MYO10: variants seen among roughly 807,000 people sequenced by gnomAD.
MYO10 encodes the protein unconventional myosin-X.
Under a neutral mutation model 257.3 loss-of-function variants are expected in MYO10, and 133 were observed. That is an observed-to-expected ratio of 0.52 (90% CI 0.45 to 0.60). The LOEUF is 0.60. Ranked by LOEUF, MYO10 falls within the 20% of genes least tolerant of loss-of-function variation. The probability of loss-of-function intolerance (pLI) is 0.00; values close to 1 mark genes in which losing one functional copy is unlikely to be tolerated. For missense variants in MYO10, 2,399 were observed against 2,635.7 expected (o/e 0.91, Z 1.97); for synonymous variants, 1,104 against 1,028.6 (o/e 1.07, Z -1.40).
At chr5:16,891,684 A>G (rs146121558) in intron 1 of MYO10, among the ~76,000 whole-genome samples, 1 of 152,308 alleles carries the variant, frequency 6.6e-6, no homozygotes, top group East Asian at 1.9e-4. Context: ...ATGCAGACAA[A>G]TAGGTAGACT....
intron 19 of MYO10, among the ~76,000 whole-genome samples, chr5:16,729,268 T>C (rs1739488340): frequency 6.6e-6 from 1 of 152,200 alleles, no homozygotes; most frequent in Non-Finnish European, 1.5e-5. Context: ...TCAGACTCAA[T>C]GGATAAGAAA....
chr5:16,831,998 A>G (rs1460941642), intron 2 of MYO10, among the ~76,000 whole-genome samples: 1 of 152,140 alleles, frequency 6.6e-6, no homozygotes, highest in Non-Finnish European at 1.5e-5. Context: ...CCTGGAGTGC[A>G]GTGGAGCAAT....
At position 16,704,688 on chromosome 5, in the gene MYO10, G is replaced by A; in HGVS notation, c.2170-3C>T. ...TCCAAGGATTCTCGAAGAAAGACCTGCTCAGGACGGAGTCACATGTCAGAA... is the reference window on the plus strand; with the variant it reads ...TCCAAGGATTCTCGAAGAAAGACCTACTCAGGACGGAGTCACATGTCAGAA... On this transcript the variant is annotated splice_polypyrimidine_tract_variant and splice_region_variant and intron_variant, in intron 21 of 40. Transcript: ENST00000513610. 1 of 1,612,186 alleles carries A rather than the reference G, an allele frequency of 6.2e-7. No homozygotes were observed. Among genetic ancestry groups the A allele is most frequent in the Non-Finnish European group, 8.5e-7 (1 of 1,178,444 alleles).
intron 27 of MYO10, 87 bp from the exon 28 acceptor site, chr5:16,690,006 GAGTT>G: frequency 2.0e-6 from 2 of 979,250 alleles, no homozygotes. Context: ...CCAATGACTA[GAGTT>G]GGGAACTGTC....
At chr5:16,758,591 G>C (rs1055288124) in intron 17 of MYO10, among the ~76,000 whole-genome samples, 15 of 152,166 alleles carry the variant, frequency 9.9e-5, no homozygotes, top group African/African-American at 2.9e-4. Flanking sequence ...GTGTTGCAAA[G>C]ATTGAAGCAG....
intron 17 of MYO10, among the ~76,000 whole-genome samples, chr5:16,760,896 C>T (rs984934978): frequency 1.3e-5 from 2 of 152,134 alleles, no homozygotes; most frequent in Non-Finnish European, 2.9e-5. Context: ...GGATTAATAA[C>T]AGTATGTTAC....
intron 25 of MYO10, among the ~76,000 whole-genome samples, chr5:16,699,916 T>C (rs563163367): frequency 1.1e-4 from 16 of 152,206 alleles, no homozygotes; most frequent in Admixed American, 5.2e-4. Flanking sequence ...AAATGGTCAG[T>C]TGAATTGATA....
chr5:16,831,064 A>C (rs377144257), intron 2 of MYO10, among the ~76,000 whole-genome samples: 7 of 152,160 alleles, frequency 4.6e-5, no homozygotes, highest in Admixed American at 3.3e-4. Flanking sequence ...AAGCTGAGTA[A>C]AGGAGACATG....
At position 16,912,509 on chromosome 5, in the gene MYO10, C is replaced by T. The variant is rs115850074; in HGVS notation, c.21+23279G>A. Reference sequence around the variant, plus strand: ...GTCTCAATACTGGTTTTGAAAAATGCATTATTTGGTACATAATGCCTCCAT... The same window carrying T: ...GTCTCAATACTGGTTTTGAAAAATGTATTATTTGGTACATAATGCCTCCAT... On this transcript the variant is annotated intron_variant, in intron 1 of 40. Transcript: ENST00000513610. 2.0e-3 allele frequency among the ~76,000 whole-genome samples: 300 copies of T among 152,162 alleles called. 4 individuals are homozygous for T. Among genetic ancestry groups the T allele is most frequent in the African/African-American group, 6.9e-3 (288 of 41,494 alleles).
intron 9 of MYO10, among the ~76,000 whole-genome samples, chr5:16,778,842 C>T (rs1277453948): frequency 2.0e-5 from 3 of 152,216 alleles, no homozygotes; most frequent in Non-Finnish European, 4.4e-5. Context: ...AGGCGCCCGC[C>T]ACCACGCCCG....
chr5:16,898,403 ATTTC>A (rs961068345), intron 1 of MYO10, among the ~76,000 whole-genome samples: 2 of 142,378 alleles, frequency 1.4e-5, no homozygotes, highest in South Asian at 2.2e-4. Flanking sequence ...CCATTCTCAA[ATTTC>A]TTTCTCTTTT....
intron 9 of MYO10, among the ~76,000 whole-genome samples, 191 bp downstream of exon 9, chr5:16,779,354 C>G (rs1412784757): frequency 1.3e-5 from 2 of 152,024 alleles, no homozygotes; most frequent in African/African-American, 4.8e-5. Flanking sequence ...GTCCTCAAAC[C>G]CCTTTCAGCC....
At chr5:16,873,586 C>A (rs1284236920) in intron 2 of MYO10, among the ~76,000 whole-genome samples, 3 of 152,232 alleles carry the variant, frequency 2.0e-5, no homozygotes, top group Non-Finnish European at 4.4e-5. Flanking sequence ...ACTGCCCTAG[C>A]AAAGGTTCTC....
chr5:16,886,056 C>T (rs1159915256), intron 1 of MYO10, among the ~76,000 whole-genome samples: 2 of 152,154 alleles, frequency 1.3e-5, no homozygotes, highest in African/African-American at 2.4e-5. Flanking sequence ...GTTTTAAACC[C>T]GAAGCTGGCA....
intron 39 of MYO10, 116 bp from the exon 40 acceptor site, chr5:16,668,584 C>A: frequency 1.3e-6 from 1 of 765,554 alleles, no homozygotes; most frequent in Non-Finnish European, 1.9e-6. Flanking sequence ...TAAATATATT[C>A]GATGTGCATG....
chr5:16,818,348 CTGTGTGTGTATGTA>C (rs1419976947), intron 2 of MYO10, among the ~76,000 whole-genome samples, 181 bp from the exon 3 acceptor site: 1 of 145,584 alleles, frequency 6.9e-6, no homozygotes, highest in African/African-American at 2.6e-5. Flanking sequence ...CTCTCTCTCT[CTGTGTGTGTATGTA>C]TGTGTGTGTG....
rs1736050962 is a variant in MYO10, at chr5:16,663,497, C to T, written c.*3195G>A. On this transcript the variant is annotated 3_prime_UTR_variant, in exon 41 of 41. Transcript: ENST00000513610. Reference sequence around the variant, plus strand: ...AACAGACATTCAAAACTACAGTCAGCCCTCAGTGTTCATGTGGTCTGAATC... The same window carrying T: ...AACAGACATTCAAAACTACAGTCAGTCCTCAGTGTTCATGTGGTCTGAATC... 6.6e-6 allele frequency: 1 copy of T among 151,806 alleles called. No homozygotes were observed. Among genetic ancestry groups the T allele is most frequent in the African/African-American group, 2.4e-5 (1 of 41,310 alleles). 9.4% of individuals were successfully genotyped at this position (151,806 alleles called of 1,614,324 possible).
intron 2 of MYO10, among the ~76,000 whole-genome samples, chr5:16,830,455 C>T (rs1450736145): frequency 6.6e-6 from 1 of 151,786 alleles, no homozygotes; most frequent in Non-Finnish European, 1.5e-5. Flanking sequence ...AATTAGAACG[C>T]TTTCTTGTTG....
chr5:16,845,628 G>A (rs1351342971), intron 2 of MYO10, among the ~76,000 whole-genome samples: 1 of 152,142 alleles, frequency 6.6e-6, no homozygotes, highest in African/African-American at 2.4e-5. Context: ...CAGACTGGAT[G>A]ACATGGTGAG....
Sources: gnomAD v4.1 joint callset for allele counts (sites outside exome capture counted in the v4.1 genomes callset) on GRCh38, gnomAD v4.1.1 for gene constraint, MANE v1.5 for transcripts, NCBI Gene and HGNC (gene_info 2026-07-23, HGNC 2026-07-21) for gene names.